Variants in TGFBRAP1 observed in about 807,000 individuals in gnomAD.
The protein encoded by TGFBRAP1 is transforming growth factor-beta receptor-associated protein 1.
In TGFBRAP1, 20 loss-of-function variants were observed where a neutral mutation model predicts 83.2. That is an observed-to-expected ratio of 0.24 (90% CI 0.17 to 0.35). The LOEUF (loss-of-function observed/expected upper bound fraction) is 0.35. Among genes scored for constraint, TGFBRAP1 ranks in the 10% least tolerant of loss-of-function variants. The pLI is 1.00. For missense variants in TGFBRAP1, 950 were observed against 1,099.4 expected (o/e 0.86, Z 1.92); for synonymous variants, 415 against 459.8 (o/e 0.90, Z 1.25).
the TGFBRAP1 span, chr2:105,249,755 T>C: frequency 6.6e-6 from 1 of 152,238 alleles, no homozygotes; most frequent in South Asian, 2.1e-4. Flanking sequence ...GTAGTTTCAA[T>C]GCTCTGGCTG....
intron 1 of TGFBRAP1, among the ~76,000 whole-genome samples, chr2:105,316,460 T>C (rs867245778): frequency 0.011 from 734 of 66,814 alleles, 1 homozygote; most frequent in African/African-American, 0.018. Flanking sequence ...TGTGTGTGTG[T>C]GTGCGCGCGC....
chr2:105,254,849 A>G, the TGFBRAP1 span, among the ~76,000 whole-genome samples: 1 of 152,170 alleles, frequency 6.6e-6, no homozygotes, highest in African/African-American at 2.4e-5. Context: ...AAAGAGGTAG[A>G]GACCCCAGAG....
intron 9 of TGFBRAP1, 76 bp downstream of exon 9, chr2:105,273,468 C>A (rs1573160819): frequency 6.4e-7 from 1 of 1,572,370 alleles, no homozygotes; most frequent in East Asian, 2.3e-5. Context: ...TACACAGAAT[C>A]ACATGCCAAA....
rs1265788788 is a variant in TGFBRAP1, at chr2:105,280,660, G to C, written c.1185C>G (p.Ser395=). 1.2e-6 allele frequency: 2 copies of C among 1,614,212 alleles called. No homozygotes were observed. The highest frequency in any genetic ancestry group is 1.1e-5 in the South Asian group (1 of 91,076). The change falls in exon 6 of 12, where the codon TCC becomes TCG. Residue 395 remains serine (S), a synonymous_variant. Transcript: ENST00000393359. The part of the protein sequence containing the change: ...SLYPFLLPTS[S]SFTRSHPPLH... ...GAGGAGGGTGGGACCGGGTGAAGGA[G>C]GAGGAGGTGGGCAACAGGAAGGGGT... is the stretch of plus-strand genomic sequence containing the variant.
intron 8 of TGFBRAP1, among the ~76,000 whole-genome samples, chr2:105,274,258 G>A (rs997120069): frequency 1.3e-5 from 2 of 152,190 alleles, no homozygotes; most frequent in Non-Finnish European, 2.9e-5. Flanking sequence ...TGGAGGCACT[G>A]GTCCAATCCT....
chr2:105,273,511 C>T (rs1370855901), intron 9 of TGFBRAP1, 33 bp downstream of exon 9: 1 of 1,611,174 alleles, frequency 6.2e-7, no homozygotes, highest in African/African-American at 1.3e-5. Flanking sequence ...CTCTCCAGCC[C>T]ACACTCTTTA....
chr2:105,262,161 G>C (rs532606406), downstream of TGFBRAP1, among the ~76,000 whole-genome samples: 4 of 152,252 alleles, frequency 2.6e-5, no homozygotes, highest in South Asian at 8.3e-4. Context: ...GCTTATGGAC[G>C]ATGCCACTGA....
At chr2:105,300,009 T>C (rs1678231236) in intron 2 of TGFBRAP1, among the ~76,000 whole-genome samples, 2 of 152,194 alleles carry the variant, frequency 1.3e-5, no homozygotes, top group African/African-American at 2.4e-5. Flanking sequence ...ATGTAACAAA[T>C]GTGTAAATGG....
intron 6 of TGFBRAP1, among the ~76,000 whole-genome samples, chr2:105,278,535 G>C (rs193087536): frequency 1.3e-5 from 2 of 152,066 alleles, no homozygotes; most frequent in African/African-American, 2.4e-5. Flanking sequence ...TTTATAACCC[G>C]CGTGACCTTG....
downstream of TGFBRAP1, among the ~76,000 whole-genome samples, chr2:105,261,173 G>A (rs1676779090): frequency 6.6e-6 from 1 of 152,154 alleles, no homozygotes; most frequent in Non-Finnish European, 1.5e-5. Context: ...AGTGAGGGAG[G>A]GTAGGCCAAC....
chr2:105,277,882 T>A (rs1261475729), intron 6 of TGFBRAP1, among the ~76,000 whole-genome samples: 3 of 152,106 alleles, frequency 2.0e-5, no homozygotes, highest in Admixed American at 1.3e-4. Context: ...CATAGTGAGA[T>A]CTTGTCTTTA....
At chr2:105,278,103 T>C (rs188550713) in intron 6 of TGFBRAP1, among the ~76,000 whole-genome samples, 1,854 of 135,868 alleles carry the variant, frequency 0.014, 41 homozygotes, top group African/African-American at 0.043. Context: ...TGTGTGTGTG[T>C]GTGTGTGTGT....
chr2:105,326,054 G>A (rs1679217588), intron 1 of TGFBRAP1, among the ~76,000 whole-genome samples: 1 of 151,914 alleles, frequency 6.6e-6, no homozygotes, highest in Non-Finnish European at 1.5e-5. Context: ...GACAGTTAAG[G>A]TCTAATATCT....
intron 8 of TGFBRAP1, among the ~76,000 whole-genome samples, chr2:105,274,608 C>A (rs1677275319): frequency 6.6e-6 from 1 of 152,180 alleles, no homozygotes; most frequent in Non-Finnish European, 1.5e-5. Flanking sequence ...AAGCCTAAAC[C>A]TTGCAACGGC....
intron 7 of TGFBRAP1, among the ~76,000 whole-genome samples, chr2:105,276,536 A>G (rs1015503981): frequency 1.3e-5 from 2 of 152,218 alleles, no homozygotes; most frequent in African/African-American, 4.8e-5. Context: ...AATTGCTGAA[A>G]CCAAATAATC....
intron 4 of TGFBRAP1, among the ~76,000 whole-genome samples, chr2:105,290,893 C>A (rs1464014649): frequency 6.6e-6 from 1 of 152,054 alleles, no homozygotes; most frequent in Non-Finnish European, 1.5e-5. Context: ...GTAATCCCAA[C>A]TACTCGGGAG....
chr2:105,294,241 TTC>T (rs1678007933), intron 4 of TGFBRAP1, among the ~76,000 whole-genome samples: 2 of 152,140 alleles, frequency 1.3e-5, no homozygotes, highest in South Asian at 4.1e-4. Flanking sequence ...TGGTTGTTTG[TTC>T]TCTTTGTCTT....
At chr2:105,288,571 A>C (rs1677793485) in intron 4 of TGFBRAP1, among the ~76,000 whole-genome samples, 3 of 152,234 alleles carry the variant, frequency 2.0e-5, no homozygotes, top group Non-Finnish European at 4.4e-5. Flanking sequence ...AACATGGAGA[A>C]TATAACAGGA....
chr2:105,250,582 C>T, the TGFBRAP1 span, among the ~76,000 whole-genome samples: 1 of 143,894 alleles, frequency 6.9e-6, no homozygotes, highest in Non-Finnish European at 1.5e-5. Flanking sequence ...CTCCCTCTCC[C>T]TCCTCTCCCT....
Sources: allele counts gnomAD v4.1 joint callset (sites outside exome capture counted in the v4.1 genomes callset), GRCh38; gene constraint gnomAD v4.1.1; transcripts MANE v1.5; gene names NCBI Gene and HGNC (gene_info 2026-07-23, HGNC 2026-07-21).